Variants in ACSBG1 observed in about 807,000 individuals in gnomAD.
ACSBG1 encodes acyl-CoA synthetase bubblegum family member 1.
A neutral mutation model predicts 80.2 loss-of-function variants in ACSBG1; 39 were observed. That is an observed-to-expected ratio of 0.49 (90% CI 0.38 to 0.64). The LOEUF is 0.64. ACSBG1 is among the 30% of genes least tolerant of loss of function. The probability of loss-of-function intolerance (pLI) is 0.00; values close to 1 mark genes in which losing one functional copy is unlikely to be tolerated. For missense variants in ACSBG1, 828 were observed against 966.4 expected (o/e 0.86, Z 1.90); for synonymous variants, 392 against 379.5 (o/e 1.03, Z -0.38).
chr15:78,193,601 TG>T lies in ACSBG1; in HGVS notation c.567del (p.Thr190ProfsTer31). ...FAGGIVTGIYTTSSPEACQYI... is the reference protein window; with the variant it reads ...FAGGIVTGIYXTSSPEACQYI... ...TACTGGCAGGCCTCTGGGGAGCTGGTGGTGTAGATGCCAGTGACGATGCCAC... is the reference window on the plus strand; with the variant it reads ...TACTGGCAGGCCTCTGGGGAGCTGGTGTGTAGATGCCAGTGACGATGCCAC... On this transcript the variant is annotated frameshift_variant, in exon 5 of 14. Coordinates refer to ENST00000258873, the MANE Select transcript of ACSBG1 (RefSeq NM_015162.5). LOFTEE classifies it high-confidence loss of function. 1 of 1,613,698 alleles carries T rather than the reference TG, an allele frequency of 6.2e-7. No homozygotes were observed. Among genetic ancestry groups the T allele is most frequent in the Non-Finnish European group, 8.5e-7 (1 of 1,179,772 alleles).
At chr15:78,182,351 T>A in intron 7 of ACSBG1, 115 bp downstream of exon 7, 1 of 1,445,542 alleles carries the variant, frequency 6.9e-7, no homozygotes, top group Non-Finnish European at 9.3e-7. Context: ...CTATCCCAGC[T>A]CCTAGAGCAG....
chr15:78,191,640 T>G (rs775464047), intron 5 of ACSBG1, among the ~76,000 whole-genome samples: 1 of 152,206 alleles, frequency 6.6e-6, no homozygotes, highest in Non-Finnish European at 1.5e-5. Flanking sequence ...AATAAAATAA[T>G]TAATTTCAGG....
chr15:78,224,669 C>T (rs1483998140), intron 1 of ACSBG1, among the ~76,000 whole-genome samples: 1 of 151,884 alleles, frequency 6.6e-6, no homozygotes, highest in African/African-American at 2.4e-5. Flanking sequence ...TGCAGTGAGC[C>T]GAGATCGCGC....
intron 5 of ACSBG1, among the ~76,000 whole-genome samples, chr15:78,185,948 C>A (rs1321260372): frequency 2.0e-5 from 3 of 152,004 alleles, no homozygotes; most frequent in Non-Finnish European, 4.4e-5. Flanking sequence ...AAACAAGCAC[C>A]TTTTCAGACA....
chr15:78,222,001 T>C (rs1244803603), intron 1 of ACSBG1, among the ~76,000 whole-genome samples: 4 of 152,146 alleles, frequency 2.6e-5, no homozygotes, highest in African/African-American at 4.8e-5. Context: ...CTTTTCTACA[T>C]AGACACAGTA....
intron 1 of ACSBG1, among the ~76,000 whole-genome samples, chr15:78,224,678 G>A (rs534211818): frequency 9.9e-5 from 15 of 151,894 alleles, no homozygotes; most frequent in South Asian, 2.1e-4. Context: ...CCGAGATCGC[G>A]CCACTGCACT....
At chr15:78,181,872 G>T in intron 8 of ACSBG1, 97 bp downstream of exon 8, 1 of 1,450,450 alleles carries the variant, frequency 6.9e-7, no homozygotes, top group Non-Finnish European at 9.4e-7. Flanking sequence ...ACATGCACAG[G>T]AACAGCACAC....
chr15:78,187,768 A>G (rs2075019647), intron 5 of ACSBG1, among the ~76,000 whole-genome samples: 1 of 152,196 alleles, frequency 6.6e-6, no homozygotes, highest in Non-Finnish European at 1.5e-5. Flanking sequence ...CTGGCACAAG[A>G]CAGGGATGCC....
rs988012397 is a variant in ACSBG1 at position 78,179,684 on chromosome 15, A to G, written c.1350T>C (p.Tyr450=). ...LGFAKCQKNF[Y]GAAPMMAETQ... ...TCTCTGCCATCATGGGGGCCGCTCC[A>G]TAGAAGTTCTTTTGACACTTGGCAA... Residue 450 remains tyrosine, a synonymous_variant, in exon 10 of 14, where the codon TAT becomes TAC. Transcript: ENST00000258873. 6 of 1,614,084 alleles carry G rather than the reference A, an allele frequency of 3.7e-6. No homozygotes were observed. In the African/African-American group the frequency reaches 8.0e-5, roughly 22 times the overall value.
chr15:78,174,531 A>G lies in ACSBG1; in HGVS notation c.1703-7T>C. On this transcript the variant is annotated splice_polypyrimidine_tract_variant and splice_region_variant and intron_variant, in intron 11 of 13. Transcript: ENST00000258873. ...CCAGCTGTGATGATTAATTCTGGGGAGGCAAGGCCAGGCCCCCGGCACAGA... is the reference window on the plus strand; with the variant it reads ...CCAGCTGTGATGATTAATTCTGGGGGGGCAAGGCCAGGCCCCCGGCACAGA... 2 of 1,612,274 alleles carry G rather than the reference A, an allele frequency of 1.2e-6. No individual in the cohort carries two copies. Among genetic ancestry groups the G allele is most frequent in the Non-Finnish European group, 1.7e-6 (2 of 1,178,910 alleles).
intron 1 of ACSBG1, among the ~76,000 whole-genome samples, chr15:78,233,700 G>C (rs544141407): frequency 6.6e-6 from 1 of 152,314 alleles, no homozygotes; most frequent in South Asian, 2.1e-4. Context: ...GTGTGTGCGT[G>C]TGCGCGTGCG....
chr15:78,175,433 A>AG (rs1250856736), intron 11 of ACSBG1, among the ~76,000 whole-genome samples: 8 of 152,218 alleles, frequency 5.3e-5, no homozygotes, highest in Non-Finnish European at 8.8e-5. Context: ...CCCACAGTGC[A>AG]GCGGGGCAGT....
intron 2 of ACSBG1, 77 bp downstream of exon 2, chr15:78,207,925 A>ACCCCCCCCCCCCCC: frequency 1.3e-5 from 6 of 454,974 alleles, no homozygotes; most frequent in East Asian, 6.1e-5. Context: ...GGTCCCCCAC[A>ACCCCCCCCCCCCCC]CCACCCACCC....
At chr15:78,193,692 C>G in intron 4 of ACSBG1, 66 bp from the exon 5 acceptor site, 1 of 1,552,426 alleles carries the variant, frequency 6.4e-7, no homozygotes, top group South Asian at 1.2e-5. Flanking sequence ...TCCCCCACCC[C>G]CACATCTGTA....
chr15:78,193,095 C>G (rs1032327999), intron 5 of ACSBG1, among the ~76,000 whole-genome samples: 4 of 152,188 alleles, frequency 2.6e-5, no homozygotes, highest in Admixed American at 2.6e-4. Context: ...TCACCACCCC[C>G]CATCACCCTG....
At chr15:78,181,562 C>A (rs866680528) in intron 8 of ACSBG1, among the ~76,000 whole-genome samples, 3 of 142,134 alleles carry the variant, frequency 2.1e-5, no homozygotes, top group Non-Finnish European at 4.5e-5. Context: ...GGCGTGATCT[C>A]GGCTCACTGC....
At chr15:78,226,802 A>AAT (rs1555434841) in intron 1 of ACSBG1, among the ~76,000 whole-genome samples, 6 of 141,336 alleles carry the variant, frequency 4.2e-5, no homozygotes, top group East Asian at 2.0e-4. Context: ...ATATATATAT[A>AAT]ATATATATAT....
chr15:78,200,151 T>C lies in ACSBG1; in HGVS notation c.233-5425A>G, dbSNP rs186203044. Among the ~76,000 whole-genome samples the C allele has an allele frequency of 3.3e-3, 504 of 152,332 alleles. 1 individual carries two copies. Among genetic ancestry groups the C allele is most frequent in the African/African-American group, 0.011 (468 of 41,584 alleles). On this transcript the variant is annotated intron_variant, in intron 2 of 13. Coordinates refer to ENST00000258873, the MANE Select transcript of ACSBG1 (RefSeq NM_015162.5). ...TGTCTTTTTCCTGTTTCCTCTTCCA[T>C]GGAGCCTGTGCTTTTGTGTCAGGTC...
At chr15:78,230,059 G>A (rs974282678) in intron 1 of ACSBG1, among the ~76,000 whole-genome samples, 1 of 152,180 alleles carries the variant, frequency 6.6e-6, no homozygotes, top group African/African-American at 2.4e-5. Flanking sequence ...CCTCCACAAT[G>A]GGCTTCCTTA....
Sources: allele counts gnomAD v4.1 joint callset (sites outside exome capture counted in the v4.1 genomes callset), GRCh38; gene constraint gnomAD v4.1.1; transcripts MANE v1.5; gene names NCBI Gene and HGNC (gene_info 2026-07-23, HGNC 2026-07-21).